ACSM2A: variants seen among roughly 807,000 people sequenced by gnomAD.
ACSM2A encodes acyl-CoA synthetase medium chain family member 2A, also known as acyl-coenzyme A synthetase ACSM2A, mitochondrial.
A neutral mutation model predicts 76.6 loss-of-function variants in ACSM2A; 72 were observed. The observed-to-expected ratio is 0.94, with a 90% confidence interval of 0.78 to 1.14. The LOEUF (loss-of-function observed/expected upper bound fraction) is 1.14. Ranked by LOEUF, ACSM2A falls within the 50% of genes most tolerant of loss-of-function variation. ACSM2A has a pLI of 0.00. For missense variants in ACSM2A, 684 were observed against 708.5 expected (o/e 0.97, Z 0.39); for synonymous variants, 249 against 255.9 (o/e 0.97, Z 0.26).
intron 1 of ACSM2A, among the ~76,000 whole-genome samples, chr16:20,454,854 T>C (rs984785407): frequency 6.6e-6 from 1 of 151,076 alleles, no homozygotes; most frequent in African/African-American, 2.4e-5. Context: ...AGGGCAATTA[T>C]TAAGCTAATC....
chr16:20,456,639 A>T lies in ACSM2A; in HGVS notation c.-8-3468A>T, dbSNP rs571673166. On this transcript the variant is annotated intron_variant, in intron 1 of 13. Transcript: ENST00000573854. ...GACACAAGCTATCAAAACTTCTAGG[A>T]TACAGCAAAGATGGTACTAAGAGGT... 8.6e-4 allele frequency among the ~76,000 whole-genome samples: 129 copies of T among 149,990 alleles called. 1 individual carries two copies. The highest frequency in any genetic ancestry group is 1.3e-3 in the Admixed American group (19 of 15,064).
At chr16:20,465,298 T>C (rs909198509) in intron 2 of ACSM2A, among the ~76,000 whole-genome samples, 3 of 152,264 alleles carry the variant, frequency 2.0e-5, no homozygotes, top group Admixed American at 2.0e-4. Context: ...AGCATACATT[T>C]ACAAAAATTC....
intron 2 of ACSM2A, 143 bp from the exon 3 acceptor site, chr16:20,465,374 T>A: frequency 8.8e-7 from 1 of 1,136,696 alleles, no homozygotes; most frequent in Non-Finnish European, 1.2e-6. Flanking sequence ...GTCTTTAGAA[T>A]TTTCAATACC....
intron 3 of ACSM2A, 110 bp downstream of exon 3, chr16:20,465,837 T>C (rs2012963371): frequency 1.4e-6 from 2 of 1,461,296 alleles, no homozygotes; most frequent in Admixed American, 5.3e-5. Context: ...GAGCATGCTG[T>C]CCTGTATCAT....
intron 1 of ACSM2A, among the ~76,000 whole-genome samples, chr16:20,458,904 G>GTATATATATATATATATATA (rs1567356709): frequency 3.7e-5 from 1 of 27,390 alleles, no homozygotes; most frequent in African/African-American, 2.9e-4. Context: ...ATATATATAT[G>GTATATATATATATATATATA]CATATATATA....
intron 9 of ACSM2A, 136 bp downstream of exon 9, chr16:20,477,585 G>C: frequency 7.0e-7 from 1 of 1,424,532 alleles, no homozygotes; most frequent in Non-Finnish European, 9.2e-7. Flanking sequence ...AAAGGAGGTA[G>C]GGAGGTTGGG....
intron 13 of ACSM2A, among the ~76,000 whole-genome samples, chr16:20,485,041 T>C (rs1177046549): frequency 6.6e-6 from 1 of 152,166 alleles, no homozygotes; most frequent in Non-Finnish European, 1.5e-5. Context: ...GATCCTCAGT[T>C]TCCTTATTTG....
chr16:20,471,484 A>G (rs2013398479), intron 5 of ACSM2A, 52 bp from the exon 6 acceptor site: 1 of 1,571,542 alleles, frequency 6.4e-7, no homozygotes, highest in South Asian at 1.2e-5. Context: ...TGTCCCACGC[A>G]TCCTAAGCAT....
intron 1 of ACSM2A, among the ~76,000 whole-genome samples, chr16:20,458,058 CT>C (rs2012301335): frequency 6.6e-6 from 1 of 151,680 alleles, no homozygotes; most frequent in Non-Finnish European, 1.5e-5. Context: ...AACTCAACCC[CT>C]TTTATAATAG....
At chr16:20,458,904 G>GTATATATATATATATATATATGTATA in intron 1 of ACSM2A, among the ~76,000 whole-genome samples, 1 of 27,388 alleles carries the variant, frequency 3.7e-5, no homozygotes, top group South Asian at 1.9e-3. Flanking sequence ...ATATATATAT[G>GTATATATATATATATATATATGTATA]CATATATATA....
At chr16:20,455,804 TA>T (rs1439521342) in intron 1 of ACSM2A, among the ~76,000 whole-genome samples, 1 of 151,386 alleles carries the variant, frequency 6.6e-6, no homozygotes, top group African/African-American at 2.4e-5. Context: ...GACATCTCAA[TA>T]CTAATGTTGA....
rs2013797613 is a variant in ACSM2A, at chr16:20,477,223, G to C, written c.1099-146G>C. ...GATTGTGGTTCCAGTAATGGGGAGAGAGCCAGGGAATGAGGAGCAGGGGGA... is the reference window on the plus strand; with the variant it reads ...GATTGTGGTTCCAGTAATGGGGAGACAGCCAGGGAATGAGGAGCAGGGGGA... On this transcript the variant is annotated intron_variant, in intron 8 of 13. Transcript: ENST00000573854. 4 of 1,329,104 alleles carry C rather than the reference G, an allele frequency of 3.0e-6. No homozygotes were observed. In the South Asian group the frequency reaches 8.3e-5, roughly 28 times the overall value. 82.3% of individuals were successfully genotyped at this position (1,329,104 alleles called of 1,614,324 possible).
At chr16:20,463,371 T>C (rs1202871548) in intron 2 of ACSM2A, among the ~76,000 whole-genome samples, 1 of 151,184 alleles carries the variant, frequency 6.6e-6, no homozygotes, top group African/African-American at 2.4e-5. Flanking sequence ...AAATCTCATG[T>C]TGAAATGTAA....
chr16:20,466,604 G>C (rs2013012764), intron 3 of ACSM2A, among the ~76,000 whole-genome samples: 1 of 152,230 alleles, frequency 6.6e-6, no homozygotes, highest in African/African-American at 2.4e-5. Flanking sequence ...AGGGGCTAAG[G>C]AATAGTAAAT....
At chr16:20,481,389 T>G (rs2141759975) in intron 12 of ACSM2A, 1 of 155,716 alleles carries the variant, frequency 6.4e-6, no homozygotes, top group South Asian at 2.0e-4. Context: ...TATTTGGTGT[T>G]AAAAAAGAAT....
chr16:20,474,282 G>A (rs376885071), intron 6 of ACSM2A: 3,441 of 218,788 alleles, frequency 0.016, 40 homozygotes, highest in Middle Eastern at 0.051. Flanking sequence ...AGTAGTAAGC[G>A]GTGGGGCATT....
intron 1 of ACSM2A, chr16:20,452,235 A>C (rs2011801430): frequency 6.6e-6 from 1 of 151,952 alleles, no homozygotes; most frequent in Admixed American, 6.6e-5. Context: ...TGGGAGAGGC[A>C]GACCCACCCT....
intron 1 of ACSM2A, among the ~76,000 whole-genome samples, chr16:20,454,360 T>C (rs553196523): frequency 6.6e-6 from 1 of 151,684 alleles, no homozygotes; most frequent in Non-Finnish European, 1.5e-5. Flanking sequence ...GAAGCTGGGG[T>C]CACTGACTTT....
rs1162142651 is a variant in ACSM2A, at chr16:20,460,620, G to A, written c.177+329G>A. On this transcript the variant is annotated intron_variant, in intron 2 of 13. Transcript: ENST00000573854. ...TTTGGTCTGGGGTCGTAGAAGAGGC[G>A]GGTTTGAATCTAATAATAGCAAATC... is the stretch of plus-strand genomic sequence containing the variant. Among the ~76,000 whole-genome samples, 30 of 150,710 alleles carry A rather than the reference G, an allele frequency of 2.0e-4. 1 individual carries two copies. The highest frequency in any genetic ancestry group is 2.6e-4 in the Admixed American group (4 of 15,136).
Sources: allele counts gnomAD v4.1 joint callset (sites outside exome capture counted in the v4.1 genomes callset), GRCh38; gene constraint gnomAD v4.1.1; transcripts MANE v1.5; gene names NCBI Gene and HGNC (gene_info 2026-07-23, HGNC 2026-07-21).